Variants in CCSER2 observed in about 807,000 individuals in gnomAD.
The protein encoded by CCSER2 is serine-rich coiled-coil domain-containing protein 2.
In CCSER2, 46 loss-of-function variants were observed where a neutral mutation model predicts 92.3. That is an observed-to-expected ratio of 0.50 (90% confidence interval 0.39 to 0.64). The LOEUF is 0.64. Among genes scored for constraint, CCSER2 ranks in the 30% least tolerant of loss-of-function variants. The probability of loss-of-function intolerance (pLI) is 0.00; values close to 1 mark genes in which losing one functional copy is unlikely to be tolerated. For missense variants in CCSER2, 1,244 were observed against 1,238.9 expected, an observed-to-expected ratio of 1.00 and a Z score of -0.06; for synonymous variants, 433 against 431.4, an observed-to-expected ratio of 1.00 and a Z score of -0.04.
chr10:84,457,251 TTATATA>T (rs1396490571), intron 6 of CCSER2, among the ~76,000 whole-genome samples: 7,837 of 67,912 alleles, frequency 0.12, 654 homozygotes, highest in South Asian at 0.18. Flanking sequence ...ATATTATATA[TTATATA>T]AAATATATTA....
chr10:84,437,927 T>C lies in CCSER2; in HGVS notation c.1869-585T>C, dbSNP rs145782607. Among the ~76,000 whole-genome samples the C allele has an allele frequency of 2.4e-3, 365 of 152,216 alleles. 1 individual carries two copies. The highest frequency in any genetic ancestry group is 8.4e-3 in the African/African-American group (348 of 41,544). On this transcript the variant is annotated intron_variant, in intron 5 of 9. Coordinates refer to ENST00000372088, the MANE Select transcript of CCSER2 (RefSeq NM_001284240.2). ...TGAGGTTTCACCGAGAGTAGATTTT[T>C]TTAATGCACTGTAAGATTAGGAAAT...
chr10:84,493,268 A>T (rs1160629068), intron 9 of CCSER2, among the ~76,000 whole-genome samples: 2 of 151,992 alleles, frequency 1.3e-5, no homozygotes, highest in Non-Finnish European at 2.9e-5. Flanking sequence ...ATATTCCTTT[A>T]TTACCTTAAT....
chr10:84,488,497 A>G (rs1057022876), intron 9 of CCSER2, among the ~76,000 whole-genome samples: 5 of 152,038 alleles, frequency 3.3e-5, no homozygotes, highest in African/African-American at 4.8e-5. Context: ...GAATTTATCC[A>G]TTTCTTTTAG....
At chr10:84,338,907 A>G (rs1424051909) in intron 1 of CCSER2, among the ~76,000 whole-genome samples, 1 of 152,148 alleles carries the variant, frequency 6.6e-6, no homozygotes, top group African/African-American at 2.4e-5. Flanking sequence ...AGTAAATAGT[A>G]GTCAATATTT....
intron 4 of CCSER2, among the ~76,000 whole-genome samples, chr10:84,421,436 C>T (rs1230771028): frequency 1.3e-5 from 2 of 152,094 alleles, no homozygotes; most frequent in Non-Finnish European, 2.9e-5. Flanking sequence ...CAAACATGTC[C>T]TTCTTCACAT....
chr10:84,461,123 CTG>C (rs1202817033), intron 6 of CCSER2, among the ~76,000 whole-genome samples: 1 of 152,054 alleles, frequency 6.6e-6, no homozygotes, highest in Non-Finnish European at 1.5e-5. Context: ...TATGTGGTGT[CTG>C]TTATTTTCCT....
In CCSER2 at chr10:84,430,570, GT is replaced by G. The variant is rs142029200; in HGVS notation, c.1868+4679del. Among the ~76,000 whole-genome samples the G allele has an allele frequency of 2.6e-3, 401 of 152,268 alleles. 1 individual carries two copies. The highest frequency in any genetic ancestry group is 9.3e-3 in the African/African-American group (385 of 41,554). On this transcript the variant is annotated intron_variant, in intron 5 of 9. Transcript: ENST00000372088. ...CGGCCAGGGAGATCAAATCATAGCA[GT>G]TCTTTGGGAGTGGTGCTTTTTGGAG...
intron 3 of CCSER2, among the ~76,000 whole-genome samples, chr10:84,413,476 C>T (rs1244337475): frequency 2.0e-5 from 3 of 152,098 alleles, no homozygotes; most frequent in African/African-American, 4.8e-5. Context: ...TTCCCAATCT[C>T]GAGTTCTAAT....
chr10:84,473,837 TCCAAAATGTG>T (rs1335305798), intron 8 of CCSER2, among the ~76,000 whole-genome samples: 5 of 152,206 alleles, frequency 3.3e-5, no homozygotes, highest in Non-Finnish European at 5.9e-5. Context: ...GCTTTCTTTA[TCCAAAATGTG>T]AAGGTTTTTC....
intron 3 of CCSER2, among the ~76,000 whole-genome samples, chr10:84,383,005 T>TGTG (rs1388964566): frequency 6.6e-6 from 1 of 152,230 alleles, no homozygotes; most frequent in Admixed American, 6.5e-5. Context: ...TTGTGACTGA[T>TGTG]ACAGCTAGAC....
intron 7 of CCSER2, among the ~76,000 whole-genome samples, chr10:84,466,037 C>T (rs1846406705): frequency 6.6e-6 from 1 of 152,188 alleles, no homozygotes. Flanking sequence ...TGTGCCCGGC[C>T]ATATGATAGA....
chr10:84,466,961 A>G lies in CCSER2; in HGVS notation c.2148+2945A>G, dbSNP rs895270930. On this transcript the variant is annotated intron_variant, in intron 7 of 9. Transcript: ENST00000372088. ...TGCTGTTGCTTAAGGACCTAACTGC[A>G]TCTCTTCCTCCTCTCTCATCTGTCT... Among the ~76,000 whole-genome samples, 7 of 152,110 alleles carry G rather than the reference A, an allele frequency of 4.6e-5. No homozygotes were observed. In the South Asian group the frequency reaches 1.2e-3, roughly 27 times the overall value.
chr10:84,364,740 T>TTTTTG lies in CCSER2; in HGVS notation c.-39-6270_-39-6269insGTTTT, dbSNP rs1564600710. On this transcript the variant is annotated intron_variant, in intron 1 of 9. Coordinates refer to ENST00000372088, the MANE Select transcript of CCSER2 (RefSeq NM_001284240.2). ...GGCATTTATAAGTATTTTTGAATTT[T>TTTTTG]TTTTTGTTTTTTTTTTTTTGAGATG... Among the ~76,000 whole-genome samples the TTTTTG allele has an allele frequency of 2.9e-4, 41 of 142,696 alleles. 1 individual carries two copies. Among genetic ancestry groups the TTTTTG allele is most frequent in the Non-Finnish European group, 4.6e-4 (30 of 64,756 alleles). 93.6% of individuals were successfully genotyped at this position (142,696 alleles called of 152,430 possible).
intron 6 of CCSER2, among the ~76,000 whole-genome samples, chr10:84,448,356 T>TA (rs1170580803): frequency 1.3e-5 from 2 of 152,150 alleles, no homozygotes; most frequent in East Asian, 3.9e-4. Context: ...TTGACTCTAA[T>TA]ATCAAGCTGT....
intron 9 of CCSER2, among the ~76,000 whole-genome samples, chr10:84,499,193 T>C (rs1343543035): frequency 1.3e-5 from 2 of 152,154 alleles, no homozygotes; most frequent in Admixed American, 6.5e-5. Context: ...TGGAATGCAG[T>C]GGCGTCATCT....
intron 6 of CCSER2, among the ~76,000 whole-genome samples, chr10:84,461,738 G>C (rs566414572): frequency 1.3e-5 from 2 of 150,900 alleles, no homozygotes; most frequent in Non-Finnish European, 2.9e-5. Flanking sequence ...TTTAATAACA[G>C]CTCTGTTAAA....
chr10:84,393,857 G>A (rs188161358), intron 3 of CCSER2: 1 of 152,310 alleles, frequency 6.6e-6, no homozygotes, highest in East Asian at 1.9e-4. Context: ...TAGCATAGAT[G>A]TGGTAGTGGA....
chr10:84,407,771 A>G (rs754878129), intron 3 of CCSER2, among the ~76,000 whole-genome samples: 22 of 152,194 alleles, frequency 1.4e-4, no homozygotes, highest in Non-Finnish European at 2.1e-4. Context: ...TGCTTTGCAT[A>G]TATTAGTAGT....
chr10:84,374,889 T>C lies in CCSER2; in HGVS notation c.1614+1074T>C, dbSNP rs181441926. 2.9e-3 allele frequency among the ~76,000 whole-genome samples: 449 copies of C among 152,278 alleles called. 8 individuals carry two copies. The highest frequency in any genetic ancestry group is 0.026 in the Admixed American group (395 of 15,284). ...TAATTTTCTATACTCCTATAAACCT[T>C]TTACTTAAGCCATTGTTAACGGAGG... On this transcript the variant is annotated intron_variant, in intron 3 of 9. Coordinates refer to ENST00000372088, the MANE Select transcript of CCSER2 (RefSeq NM_001284240.2).
Sources: allele counts gnomAD v4.1 joint callset (sites outside exome capture counted in the v4.1 genomes callset), GRCh38; gene constraint gnomAD v4.1.1; transcripts MANE v1.5; gene names NCBI Gene and HGNC (gene_info 2026-07-23, HGNC 2026-07-21).